STOML2: variants seen among roughly 807,000 people sequenced by gnomAD.
STOML2 encodes the protein stomatin-like protein 2, mitochondrial.
STOML2 carries 22 observed loss-of-function variants against 45.7 expected under a neutral mutation model. That is an observed-to-expected ratio of 0.48 (90% CI 0.34 to 0.69). The LOEUF (loss-of-function observed/expected upper bound fraction) is 0.69. Among genes scored for constraint, STOML2 ranks in the 30% least tolerant of loss-of-function variants. The probability of loss-of-function intolerance (pLI) is 0.01; values close to 1 mark genes in which losing one functional copy is unlikely to be tolerated. For synonymous variants in STOML2, 181 were observed against 182.7 expected (o/e 0.99, Z 0.08); for missense variants, 359 against 466.9 (o/e 0.77, Z 2.13).
rs35119429 is a variant in STOML2 at position 35,101,525 on chromosome 9, G to A, written c.480C>T (p.Ala160=). ...RESLNASIVD[A]INQAADCWGI... ...CCCAGCAGTCAGCAGCTTGGTTGAT[G>A]GCATCCACAATGCTGGCATTCAGGG... The change falls in exon 6 of 10, where the codon GCC becomes GCT. Residue 160 remains alanine (A), a synonymous_variant. Transcript: ENST00000356493. The surrounding 1 kb of genome is among the most constrained non-coding windows in gnomAD (Gnocchi z 4.3). The A allele has an allele frequency of 0.017, 27,882 of 1,613,968 alleles. 439 individuals are homozygous for A. Among genetic ancestry groups the A allele is most frequent in the African/African-American group, 0.072 (5,398 of 74,956 alleles).
Position 35,102,275 on chromosome 9 carries a change from G to T in STOML2, c.184-81C>A. Reference sequence around the variant, plus strand: ...AAGCTAGTCCTGGAGTATGTAGGGAGTCAACACATGGAACATGCCCAGAAA... The same window carrying T: ...AAGCTAGTCCTGGAGTATGTAGGGATTCAACACATGGAACATGCCCAGAAA... On this transcript the variant is annotated intron_variant, in intron 2 of 9. Coordinates refer to ENST00000356493, the MANE Select transcript of STOML2 (RefSeq NM_013442.3). The surrounding 1 kb of genome is among the most constrained non-coding windows in gnomAD (Gnocchi z 4.8). 1 of 1,193,814 alleles carries T rather than the reference G, an allele frequency of 8.4e-7. No individual in the cohort carries two copies. Among genetic ancestry groups the T allele is most frequent in the East Asian group, 2.4e-5 (1 of 41,666 alleles). The allele number at this position is 1,193,814 out of a possible 1,614,324, so 74.0% of individuals were successfully genotyped here.
In STOML2 at chr9:35,102,602, G is replaced by C; in HGVS notation, c.183+84C>G. On this transcript the variant is annotated intron_variant, in intron 2 of 9. Coordinates refer to ENST00000356493, the MANE Select transcript of STOML2 (RefSeq NM_013442.3). This position sits in a 1 kb window ranked among gnomAD's most constrained non-coding sequence, Gnocchi z 4.8. ...AGTCGGGAGCTAACAGTGCGGGCAG[G>C]CCCAAAGGAAGTCCTCCCGACATTG... is the stretch of plus-strand genomic sequence containing the variant. The C allele has an allele frequency of 1.9e-6, 3 of 1,569,978 alleles. No individual in the cohort carries two copies. The South Asian group carries it at 3.6e-5, about 19-fold the overall frequency.
Position 35,101,696 on chromosome 9 carries a change from T to G in STOML2, c.444+14A>C. The stretch of plus-strand genomic sequence containing the variant: ...TGTGTCTTCAAACCCTAACTCTGGC[T>G]CAGATCTGCTTACCCGGAAGACTTT... On this transcript the variant is annotated intron_variant, in intron 5 of 9. Transcript: ENST00000356493. This position sits in a 1 kb window ranked among gnomAD's most constrained non-coding sequence, Gnocchi z 4.3. 1 of 1,614,152 alleles carries G rather than the reference T, an allele frequency of 6.2e-7. No homozygotes were observed. Among genetic ancestry groups the G allele is most frequent in the Non-Finnish European group, 8.5e-7 (1 of 1,180,020 alleles).
chr9:35,101,991 A>G lies in STOML2; in HGVS notation c.284-29T>C, dbSNP rs767029262. ...TAGAACCAGGAGAGAAAACGGGGAAAGTCAGGCCTCTAGGTCCCAACCAGT... is the reference window on the plus strand; with the variant it reads ...TAGAACCAGGAGAGAAAACGGGGAAGGTCAGGCCTCTAGGTCCCAACCAGT... On this transcript the variant is annotated intron_variant, in intron 3 of 9. Transcript: ENST00000356493. This position sits in a 1 kb window ranked among gnomAD's most constrained non-coding sequence, Gnocchi z 4.3. The G allele has an allele frequency of 1.9e-6, 3 of 1,613,950 alleles. No individual in the cohort carries two copies. The highest frequency in any genetic ancestry group is 1.7e-6 in the Non-Finnish European group (2 of 1,179,994).
At chr9:35,100,471 T>G (rs666549) in intron 9 of STOML2, 127 bp downstream of exon 9, 8 of 1,293,274 alleles carry the variant, frequency 6.2e-6, no homozygotes, top group East Asian at 2.3e-5. Flanking sequence ...CTACAAAGAA[T>G]GAAGGGAGGT....
At chr9:35,100,304 G>T in intron 9 of STOML2, 132 bp from the exon 10 acceptor site, 2 of 1,215,886 alleles carry the variant, frequency 1.6e-6, no homozygotes, top group South Asian at 1.5e-5. Flanking sequence ...TCTCAAACCT[G>T]TCTTGTAAGC....
rs1383197776 is a variant in STOML2, at chr9:35,102,642, T to C, written c.183+44A>G. On this transcript the variant is annotated intron_variant, in intron 2 of 9. Coordinates refer to ENST00000356493, the MANE Select transcript of STOML2 (RefSeq NM_013442.3). This position sits in a 1 kb window ranked among gnomAD's most constrained non-coding sequence, Gnocchi z 4.8. ...TCCCGACATTGCATGTCGTGAGGGA[T>C]TGGTCATCTGGCTGGCCCAGGGTGG... is the stretch of plus-strand genomic sequence containing the variant. The C allele has an allele frequency of 5.6e-6, 9 of 1,606,138 alleles. No homozygotes were observed. In the Admixed American group the frequency reaches 6.8e-5, roughly 12 times the overall value.
chr9:35,102,846 C>T lies in STOML2; in HGVS notation c.46-23G>A. On this transcript the variant is annotated intron_variant, in intron 1 of 9. Coordinates refer to ENST00000356493, the MANE Select transcript of STOML2 (RefSeq NM_013442.3). The surrounding 1 kb of genome is among the most constrained non-coding windows in gnomAD (Gnocchi z 4.8). ...GCCCTGAAGGAAAGAAGAGGGTGAG[C>T]AGAGATCCCATCTGGCCAGACACGC... The T allele has an allele frequency of 6.2e-7, 1 of 1,611,844 alleles. No individual in the cohort carries two copies. Among genetic ancestry groups the T allele is most frequent in the Non-Finnish European group, 8.5e-7 (1 of 1,178,748 alleles).
rs762758821 is a variant in STOML2 at position 35,102,851 on chromosome 9, A to G, written c.46-28T>C. 1 of 1,611,074 alleles carries G rather than the reference A, an allele frequency of 6.2e-7. No individual in the cohort carries two copies. The highest frequency in any genetic ancestry group is 2.2e-5 in the East Asian group (1 of 44,830). ...GAAGGAAAGAAGAGGGTGAGCAGAGATCCCATCTGGCCAGACACGCCGCCC... is the reference window on the plus strand; with the variant it reads ...GAAGGAAAGAAGAGGGTGAGCAGAGGTCCCATCTGGCCAGACACGCCGCCC... On this transcript the variant is annotated intron_variant, in intron 1 of 9. Transcript: ENST00000356493. The surrounding 1 kb of genome is among the most constrained non-coding windows in gnomAD (Gnocchi z 4.8).
Position 35,102,930 on chromosome 9 carries a change from C to A in STOML2, c.46-107G>T, listed in dbSNP as rs1313339939. ...ACGACCCTCAGGATCCTCGGAGAAT[C>A]ACATGGGGACCATGACCTCTGACCC... On this transcript the variant is annotated intron_variant, in intron 1 of 9. Transcript: ENST00000356493. The surrounding 1 kb of genome is among the most constrained non-coding windows in gnomAD (Gnocchi z 4.8). The A allele has an allele frequency of 3.2e-6, 5 of 1,573,856 alleles. No individual in the cohort carries two copies. Among genetic ancestry groups the A allele is most frequent in the Non-Finnish European group, 4.3e-6 (5 of 1,158,058 alleles).
In STOML2 at chr9:35,102,612, A is replaced by T; in HGVS notation, c.183+74T>A. The T allele has an allele frequency of 1.9e-6, 3 of 1,580,058 alleles. No homozygotes were observed. In the South Asian group the frequency reaches 3.5e-5, roughly 18 times the overall value. On this transcript the variant is annotated intron_variant, in intron 2 of 9. Coordinates refer to ENST00000356493, the MANE Select transcript of STOML2 (RefSeq NM_013442.3). The surrounding 1 kb of genome is among the most constrained non-coding windows in gnomAD (Gnocchi z 4.8). ...TAACAGTGCGGGCAGGCCCAAAGGA[A>T]GTCCTCCCGACATTGCATGTCGTGA...
chr9:35,100,249 A>C, intron 9 of STOML2, 77 bp from the exon 10 acceptor site: 1 of 1,564,964 alleles, frequency 6.4e-7, no homozygotes, highest in South Asian at 1.1e-5. Context: ...GCTAAACGGG[A>C]AAAGATGGCA....
At position 35,100,678 on chromosome 9, in the gene STOML2, C is replaced by T. The variant is rs1223657497; in HGVS notation, c.853G>A (p.Ala285Thr). 8 of 1,613,916 alleles carry T rather than the reference C, an allele frequency of 5.0e-6. No homozygotes were observed. Among genetic ancestry groups the T allele is most frequent in the Non-Finnish European group, 5.9e-6 (7 of 1,180,022 alleles). ...SLTVAEQYVS[A>T]FSKLAKDSNT... Reference sequence around the variant, plus strand: ...GAGTCCTTGGCCAGTTTGGAGAACGCGCTGACATACTGCTCGGCCACAGTC... The same window carrying T: ...GAGTCCTTGGCCAGTTTGGAGAACGTGCTGACATACTGCTCGGCCACAGTC... Residue 285 changes from alanine to threonine, a missense_variant, in exon 9 of 10, where the codon GCG (alanine) becomes ACG (threonine). Transcript: ENST00000356493.
Position 35,101,535 on chromosome 9 carries a change from A to G in STOML2, c.470T>C (p.Ile157Thr), listed in dbSNP as rs994783784. 6.2e-7 allele frequency: 1 copy of G among 1,614,076 alleles called. No individual in the cohort carries two copies. Residue 157 changes from isoleucine to threonine, a missense_variant, in exon 6 of 10, where the codon ATT (isoleucine) becomes ACT (threonine). This residue lies in a region of STOML2 where 285 missense variants were observed against 422.0 expected (regional missense o/e 0.68). Coordinates refer to ENST00000356493, the MANE Select transcript of STOML2 (RefSeq NM_013442.3). This position sits in a 1 kb window ranked among gnomAD's most constrained non-coding sequence, Gnocchi z 4.3. ...AGCAGCTTGGTTGATGGCATCCACA[A>G]TGCTGGCATTCAGGGACTCCCGTTC... ...FRERESLNAS[I>T]VDAINQAADC...
rs770556916 is a variant in STOML2, at chr9:35,101,212, T to C, written c.647A>G (p.Asn216Ser). 14 of 1,614,236 alleles carry C rather than the reference T, an allele frequency of 8.7e-6. No individual in the cohort carries two copies. The highest frequency in any genetic ancestry group is 2.2e-5 in the East Asian group (1 of 44,886). The change falls in exon 7 of 10, where the codon AAT becomes AGT. Residue 216 changes from asparagine to serine, a missense_variant. Physicochemically the swap from Asn to Ser is conservative, Grantham distance 46. This residue lies in a region of STOML2 where 285 missense variants were observed against 422.0 expected (regional missense o/e 0.68). Transcript: ENST00000356493. This position sits in a 1 kb window ranked among gnomAD's most constrained non-coding sequence, Gnocchi z 4.3. ...ESEGTRESAI[N>S]VAEGKKQAQI... Reference sequence around the variant, plus strand: ...GGCCTGTTTCTTCCCTTCTGCCACATTGATGGCCGACTCTCGGGTCCCCTC... The same window carrying C: ...GGCCTGTTTCTTCCCTTCTGCCACACTGATGGCCGACTCTCGGGTCCCCTC...
chr9:35,102,793 G>T lies in STOML2; in HGVS notation c.76C>A (p.Arg26Ser). The T allele has an allele frequency of 6.2e-7, 1 of 1,614,016 alleles. No individual in the cohort carries two copies. The highest frequency in any genetic ancestry group is 1.7e-5 in the Admixed American group (1 of 60,026). Residue 26 changes from arginine (R) to serine (S), a missense_variant, in exon 2 of 10, where the codon CGC becomes AGC. Physicochemically the swap from Arg to Ser is moderately radical, Grantham distance 110 (BLOSUM62 -1). Coordinates refer to ENST00000356493, the MANE Select transcript of STOML2 (RefSeq NM_013442.3). The surrounding 1 kb of genome is among the most constrained non-coding windows in gnomAD (Gnocchi z 4.8). ...GSLLASGRAP[R>S]RASSGLPRNT... ...CGGGGCAATCCAGAGGAGGCGCGGC[G>T]CGGAGCGCGGCCAGAAGCCAGTAGA...
chr9:35,100,879 G>A (rs776193789), intron 8 of STOML2, 53 bp downstream of exon 8: 1 of 1,613,366 alleles, frequency 6.2e-7, no homozygotes, highest in South Asian at 1.1e-5. Context: ...GTAGATAAGA[G>A]AACCCCTTCC....
rs1829807636 is a variant in STOML2 at position 35,101,163 on chromosome 9, T to C, written c.696A>G (p.Glu232=). ...CTGCCTGATTTATCTGTTCAGCCTT[T>C]TCTGCTTCGGAGGCCAGGATCTGGG... ...KQAQILASEA[E]KAEQINQAAG... is the part of the protein sequence containing the mutation. Residue 232 remains glutamate (E), a synonymous_variant, in exon 7 of 10, where the codon GAA becomes GAG. Coordinates refer to ENST00000356493, the MANE Select transcript of STOML2 (RefSeq NM_013442.3). This position sits in a 1 kb window ranked among gnomAD's most constrained non-coding sequence, Gnocchi z 4.3. 4 of 1,614,246 alleles carry C rather than the reference T, an allele frequency of 2.5e-6. No homozygotes were observed. Among genetic ancestry groups the C allele is most frequent in the Non-Finnish European group, 3.4e-6 (4 of 1,180,042 alleles).
rs560855167 is a variant in STOML2 at position 35,100,591 on chromosome 9, C to T, written c.933+7G>A. Reference sequence around the variant, plus strand: ...TGCTCTATGCTGGGTCCTCAGAGAGCTCTAACCTGAGCCACCATGCTGGTG... The same window carrying T: ...TGCTCTATGCTGGGTCCTCAGAGAGTTCTAACCTGAGCCACCATGCTGGTG... On this transcript the variant is annotated splice_region_variant and intron_variant, in intron 9 of 9. Transcript: ENST00000356493. 1 of 1,613,534 alleles carries T rather than the reference C, an allele frequency of 6.2e-7. No individual in the cohort carries two copies. The highest frequency in any genetic ancestry group is 1.1e-5 in the South Asian group (1 of 91,020).
Sources: allele counts gnomAD v4.1 joint callset, GRCh38; gene constraint gnomAD v4.1.1; regional missense constraint gnomAD v4.1.1; non-coding constraint Gnocchi (gnomAD v3.1); transcripts MANE v1.5; gene names NCBI Gene and HGNC (gene_info 2026-07-23, HGNC 2026-07-21).